LMO7: variants seen among roughly 807,000 people sequenced by gnomAD.
The protein encoded by LMO7 is LIM domain only protein 7.
In LMO7, 120 loss-of-function variants were observed where a neutral mutation model predicts 206.5. That is an observed-to-expected ratio of 0.58 (90% CI 0.50 to 0.68). LMO7 has a LOEUF of 0.68. LMO7 is among the 30% of genes least tolerant of loss of function. The pLI is 0.00. For synonymous variants in LMO7, 706 were observed against 681.5 expected, an observed-to-expected ratio of 1.04 and a Z score of -0.56; for missense variants, 1,959 against 1,957.9, an observed-to-expected ratio of 1.00 and a Z score of -0.01.
intron 4 of LMO7, among the ~76,000 whole-genome samples, chr13:75,768,586 C>T (rs1235695511): frequency 2.6e-5 from 4 of 152,020 alleles, no homozygotes; most frequent in African/African-American, 9.7e-5. Context: ...TTTTTAAAAT[C>T]TAAACTAGTC....
chr13:75,693,371 G>A (rs2041645534), intron 1 of LMO7, among the ~76,000 whole-genome samples: 1 of 152,256 alleles, frequency 6.6e-6, no homozygotes, highest in South Asian at 2.1e-4. Flanking sequence ...TGGAATATGG[G>A]CTTCATTGTG....
chr13:75,759,710 C>T (rs1399292642), intron 3 of LMO7, among the ~76,000 whole-genome samples: 1 of 152,212 alleles, frequency 6.6e-6, no homozygotes, highest in Non-Finnish European at 1.5e-5. Flanking sequence ...CCTTAGTAAT[C>T]AGTGGCGCTT....
At chr13:75,851,777 G>A (rs1479954005) in intron 27 of LMO7, among the ~76,000 whole-genome samples, 4 of 152,038 alleles carry the variant, frequency 2.6e-5, no homozygotes, top group Admixed American at 6.6e-5. Context: ...GTACTTTAAG[G>A]GAAGTGGCTG....
At chr13:75,809,757 A>G (rs2056061901) in intron 11 of LMO7, among the ~76,000 whole-genome samples, 2 of 152,016 alleles carry the variant, frequency 1.3e-5, no homozygotes, top group South Asian at 4.1e-4. Context: ...GGCTATATTT[A>G]TAGTGCAAAA....
chr13:75,678,322 A>G (rs1332554006), intron 1 of LMO7, among the ~76,000 whole-genome samples: 1 of 152,144 alleles, frequency 6.6e-6, no homozygotes, highest in African/African-American at 2.4e-5. Context: ...TGACTTTTTA[A>G]TGATCACCAT....
intron 14 of LMO7, among the ~76,000 whole-genome samples, chr13:75,822,762 C>CTATG (rs1555337497): frequency 9.2e-6 from 1 of 108,448 alleles, no homozygotes; most frequent in Non-Finnish European, 1.8e-5. Context: ...TTTTTAGAAA[C>CTATG]TATATATATA....
Position 75,713,253 on chromosome 13 carries a change from G to A in LMO7, c.140+1G>A, listed in dbSNP as rs769664785. On this transcript the variant is annotated splice_donor_variant, in intron 2 of 30. Coordinates refer to ENST00000377534, the MANE Select transcript of LMO7 (RefSeq NM_001306080.2). LOFTEE classifies it high-confidence loss of function. ...TAGAAAATGGTGTTCTGCTGTGTGA[G>A]TAAGTATTTAAAGTATTTAAAAAAT... 14 of 1,601,964 alleles carry A rather than the reference G, an allele frequency of 8.7e-6. No individual in the cohort carries two copies. In the South Asian group the frequency reaches 1.1e-4, roughly 13 times the overall value.
intron 4 of LMO7, among the ~76,000 whole-genome samples, chr13:75,785,485 A>G (rs1228757921): frequency 1.3e-5 from 2 of 152,180 alleles, no homozygotes; most frequent in Non-Finnish European, 2.9e-5. Context: ...CAATTATTAT[A>G]TTACATAATT....
intron 3 of LMO7, among the ~76,000 whole-genome samples, chr13:75,732,279 G>A (rs1594603134): frequency 6.6e-6 from 1 of 151,730 alleles, no homozygotes; most frequent in East Asian, 1.9e-4. Context: ...ACATAGATTT[G>A]GTCTTTTCAC....
intron 1 of LMO7, among the ~76,000 whole-genome samples, chr13:75,638,580 C>A (rs2036204292): frequency 6.6e-6 from 1 of 151,992 alleles, no homozygotes; most frequent in Admixed American, 6.6e-5. Flanking sequence ...AATTTTTTTT[C>A]ATCCCACTTG....
intron 1 of LMO7, among the ~76,000 whole-genome samples, chr13:75,664,118 C>T (rs1296615483): frequency 2.0e-5 from 3 of 152,172 alleles, no homozygotes; most frequent in Admixed American, 2.0e-4. Context: ...ACCGTCCCCA[C>T]TTCCCCGTCA....
At chr13:75,703,992 G>A (rs1472584999) in intron 1 of LMO7, among the ~76,000 whole-genome samples, 1 of 152,184 alleles carries the variant, frequency 6.6e-6, no homozygotes, top group East Asian at 1.9e-4. Context: ...ATAATGATGT[G>A]GACATCTTAT....
intron 1 of LMO7, among the ~76,000 whole-genome samples, chr13:75,703,691 C>T (rs188648911): frequency 2.1e-4 from 32 of 152,026 alleles, no homozygotes; most frequent in African/African-American, 7.0e-4. Flanking sequence ...ACTTCCATCT[C>T]AGCTTCTCTG....
intron 1 of LMO7, among the ~76,000 whole-genome samples, chr13:75,650,240 C>A (rs2037424940): frequency 6.6e-6 from 1 of 152,138 alleles, no homozygotes; most frequent in Non-Finnish European, 1.5e-5. Context: ...AGCGATTCTC[C>A]TGCCTCAGCC....
chr13:75,850,766 T>A (rs2139591824), intron 27 of LMO7, among the ~76,000 whole-genome samples: 1 of 152,220 alleles, frequency 6.6e-6, no homozygotes, highest in Non-Finnish European at 1.5e-5. Flanking sequence ...AGAGAGTAAA[T>A]AATTTAGGGT....
chr13:75,826,611 T>A (rs563518114), intron 15 of LMO7, among the ~76,000 whole-genome samples: 1 of 152,308 alleles, frequency 6.6e-6, no homozygotes, highest in Admixed American at 6.5e-5. Flanking sequence ...GTGCTTACTA[T>A]GTGCCAACCA....
intron 3 of LMO7, among the ~76,000 whole-genome samples, chr13:75,754,274 A>G (rs1566390542): frequency 6.6e-6 from 1 of 152,220 alleles, no homozygotes; most frequent in Non-Finnish European, 1.5e-5. Context: ...CAAATGGAAT[A>G]CGTGACTTTT....
At chr13:75,835,376 G>A in intron 18 of LMO7, 37 bp downstream of exon 18, 1 of 1,344,938 alleles carries the variant, frequency 7.4e-7, no homozygotes, top group Non-Finnish European at 1.0e-6. Context: ...CTGGTGTGGA[G>A]TAAAGCAGCT....
chr13:75,700,058 G>T (rs1348888484), intron 1 of LMO7, among the ~76,000 whole-genome samples: 1 of 152,144 alleles, frequency 6.6e-6, no homozygotes, highest in African/African-American at 2.4e-5. Context: ...ATATGACTCT[G>T]TTCTGCCCGG....
Sources: gnomAD v4.1 joint callset for allele counts (sites outside exome capture counted in the v4.1 genomes callset) on GRCh38, gnomAD v4.1.1 for gene constraint, MANE v1.5 for transcripts, NCBI Gene and HGNC (gene_info 2026-07-23, HGNC 2026-07-21) for gene names.